The following ROBO2 variants were observed in gnomAD, a reference collection of about 807,000 sequenced individuals.
ROBO2 encodes roundabout guidance receptor 2.
In ROBO2, 53 loss-of-function variants were observed where a neutral mutation model predicts 160.8. The ratio of observed to expected loss-of-function variants is 0.33; its 90% CI spans 0.26 to 0.41. ROBO2 has a LOEUF of 0.41. ROBO2 is among the 10% of genes least tolerant of loss of function. The probability of loss-of-function intolerance (pLI) is 1.00; values close to 1 mark genes in which losing one functional copy is unlikely to be tolerated. For synonymous variants in ROBO2, 664 were observed against 611.7 expected (o/e 1.09, Z -1.26); for missense variants, 1,577 against 1,722.4 (o/e 0.92, Z 1.49).
chr3:77,435,028 A>G (rs2153545930), intron 2 of ROBO2, among the ~76,000 whole-genome samples: 1 of 152,182 alleles, frequency 6.6e-6, no homozygotes. Flanking sequence ...TAATTGAAGG[A>G]AAATGGGCTC....
chr3:77,512,470 T>C (rs903521977), intron 5 of ROBO2, among the ~76,000 whole-genome samples: 7 of 151,984 alleles, frequency 4.6e-5, no homozygotes, highest in Admixed American at 4.6e-4. Flanking sequence ...TTTAATGTAA[T>C]TGAATAACAC....
chr3:77,294,486 C>G (rs1195848697), intron 2 of ROBO2, among the ~76,000 whole-genome samples: 4 of 145,118 alleles, frequency 2.8e-5, no homozygotes, highest in Non-Finnish European at 5.9e-5. Context: ...TAAGCTGAGG[C>G]TAGATCACCC....
rs571284242 is a variant in ROBO2 at position 77,379,957 on chromosome 3, C to A, written c.389-97457C>A. On this transcript the variant is annotated intron_variant, in intron 2 of 25. Coordinates refer to ENST00000461745, the Ensembl canonical transcript of ROBO2. ...CTCAGCTCACTGCATACAGGCGGAG[C>A]ATCTGTCTTTTTATCCCCAGGGAGA... Among the ~76,000 whole-genome samples the A allele has an allele frequency of 2.6e-5, 4 of 152,240 alleles. No homozygotes were observed. The South Asian group carries it at 6.2e-4, about 24-fold the overall frequency.
At chr3:77,170,799 G>A (rs1451217676) in intron 2 of ROBO2, among the ~76,000 whole-genome samples, 4 of 151,826 alleles carry the variant, frequency 2.6e-5, no homozygotes, top group African/African-American at 7.3e-5. Context: ...TAAAATAATC[G>A]ACCCATGTTG....
intron 5 of ROBO2, among the ~76,000 whole-genome samples, 177 bp from the exon 6 acceptor site, chr3:77,522,598 A>G (rs2090717672): frequency 6.6e-6 from 1 of 151,320 alleles, no homozygotes; most frequent in African/African-American, 2.4e-5. Flanking sequence ...CAGATATGAA[A>G]TTGAATTTAT....
chr3:77,517,818 G>A (rs555580246), intron 5 of ROBO2, among the ~76,000 whole-genome samples: 44 of 150,922 alleles, frequency 2.9e-4, no homozygotes, highest in Middle Eastern at 3.4e-3. Flanking sequence ...GCATATCCAC[G>A]CTATGCACAC....
At chr3:77,622,130 A>T (rs560117504) in intron 22 of ROBO2, 97 bp from the exon 24 acceptor site, 2 of 1,050,252 alleles carry the variant, frequency 1.9e-6, no homozygotes, top group South Asian at 2.9e-5. Flanking sequence ...AAGGAAGAAG[A>T]CAGTATGAGT....
At chr3:77,515,628 A>C (rs1431750988) in intron 5 of ROBO2, among the ~76,000 whole-genome samples, 1 of 151,704 alleles carries the variant, frequency 6.6e-6, no homozygotes, top group East Asian at 1.9e-4. Flanking sequence ...TCTGAGAAGC[A>C]GCTACTCTTT....
rs189949504 is a variant in ROBO2 at position 76,638,616 on chromosome 3, T to C, written c.110-459398T>C. Among the ~76,000 whole-genome samples the C allele has an allele frequency of 6.2e-4, 95 of 152,314 alleles. 1 individual carries two copies. Among genetic ancestry groups the C allele is most frequent in the African/African-American group, 2.2e-3 (91 of 41,580 alleles). ...TTATTGGGTAAAAGTGGTTTCAATC[T>C]ATGTTTCCAGAAATAACGTAGCATG... On this transcript the variant is annotated intron_variant, in intron 2 of 26. Transcript: ENST00000487694.
intron 2 of ROBO2, among the ~76,000 whole-genome samples, chr3:76,811,661 T>G (rs1457339748): frequency 6.6e-6 from 1 of 152,106 alleles, no homozygotes; most frequent in Non-Finnish European, 1.5e-5. Context: ...ATTCTTGACA[T>G]TCACATCAAG....
chr3:76,395,421 A>G (rs2077381764), intron 2 of ROBO2, among the ~76,000 whole-genome samples: 1 of 147,452 alleles, frequency 6.8e-6, no homozygotes, highest in Non-Finnish European at 1.5e-5. Flanking sequence ...AAAGAACTAG[A>G]AAAGCAAGAG....
At chr3:76,708,993 G>A (rs2107573247) in intron 2 of ROBO2, among the ~76,000 whole-genome samples, 1 of 152,322 alleles carries the variant, frequency 6.6e-6, no homozygotes, top group Non-Finnish European at 1.5e-5. Context: ...CAATTGGGTA[G>A]ATGAGGGTGC....
intron 2 of ROBO2, among the ~76,000 whole-genome samples, chr3:75,979,992 C>G (rs1341162545): frequency 6.6e-6 from 1 of 151,470 alleles, no homozygotes; most frequent in African/African-American, 2.4e-5. Flanking sequence ...ATGCATCATA[C>G]AAAATTAAAA....
intron 2 of ROBO2, among the ~76,000 whole-genome samples, chr3:76,093,500 A>T (rs202138257): frequency 1.4e-5 from 2 of 148,114 alleles, no homozygotes; most frequent in Non-Finnish European, 3.0e-5. Context: ...TATAATATAA[A>T]ATATTTATAC....
chr3:77,151,569 G>A lies in ROBO2; in HGVS notation c.388+53229G>A, dbSNP rs140349319. Among the ~76,000 whole-genome samples, 628 of 152,160 alleles carry A rather than the reference G, an allele frequency of 4.1e-3. 9 individuals are homozygous for A. Among genetic ancestry groups the A allele is most frequent in the Middle Eastern group, 0.014 (4 of 294 alleles). ...ATTCTATGTGGACAGACAGCTTTCT[G>A]TTAACATACACTATTTTGACAGACT... On this transcript the variant is annotated intron_variant, in intron 2 of 25. Coordinates refer to ENST00000461745, the Ensembl canonical transcript of ROBO2.
At chr3:77,386,478 G>A (rs1437489707) in intron 2 of ROBO2, among the ~76,000 whole-genome samples, 3 of 152,016 alleles carry the variant, frequency 2.0e-5, no homozygotes, top group South Asian at 2.1e-4. Flanking sequence ...AAACCTTGTA[G>A]CAGCATTTCT....
chr3:76,937,157 G>A (rs9821917), intron 2 of ROBO2, among the ~76,000 whole-genome samples: 63,233 of 151,912 alleles, frequency 0.42, 13,296 homozygotes, highest in South Asian at 0.49. Flanking sequence ...TCTTTGTAAC[G>A]AAGTAAAACT....
intron 2 of ROBO2, among the ~76,000 whole-genome samples, chr3:77,009,834 T>C (rs913261022): frequency 2.0e-5 from 3 of 150,692 alleles, no homozygotes; most frequent in African/African-American, 7.3e-5. Flanking sequence ...TCATCTCAGA[T>C]ACTTGGGAGG....
intron 2 of ROBO2, among the ~76,000 whole-genome samples, chr3:76,019,648 T>G (rs557604426): frequency 7.9e-5 from 12 of 152,104 alleles, no homozygotes; most frequent in Admixed American, 7.9e-4. Flanking sequence ...GCTCCATGCG[T>G]ATCTGAGAAT....
Sources: gnomAD v4.1 joint callset for allele counts (sites outside exome capture counted in the v4.1 genomes callset) on GRCh38, gnomAD v4.1.1 for gene constraint, MANE v1.5 for transcripts, NCBI Gene and HGNC (gene_info 2026-07-23, HGNC 2026-07-21) for gene names.